YY1AP1: variants seen among roughly 807,000 people sequenced by gnomAD.
YY1AP1 encodes the protein YY1 associated protein 1, also known as YY1-associated protein 1.
In YY1AP1, 43 loss-of-function variants were observed where a neutral mutation model predicts 39.9. The ratio of observed to expected loss-of-function variants is 1.08; its 90% confidence interval spans 0.84 to 1.39. The LOEUF is 1.39. YY1AP1 is among the 40% of genes most tolerant of loss of function. The probability of loss-of-function intolerance (pLI) is 0.00; values close to 1 mark genes in which losing one functional copy is unlikely to be tolerated. For synonymous variants in YY1AP1, 292 were observed against 331.3 expected (o/e 0.88, Z 1.29); for missense variants, 813 against 900.7 (o/e 0.90, Z 1.25).
chr1:155,660,398 A>C lies in YY1AP1; in HGVS notation c.1512T>G (p.Ser504=), dbSNP rs1460899077. Residue 504 remains serine, a synonymous_variant, in exon 11 of 11, where the codon TCT becomes TCG. Transcript: ENST00000355499. Reference sequence around the variant, plus strand: ...TCATTACCTTGGGCACAGGGGCAGAAGAGAGCAAAGTCTGGGACTCAGACA... The same window carrying C: ...TCATTACCTTGGGCACAGGGGCAGACGAGAGCAAAGTCTGGGACTCAGACA... ...FPLSESQTLL[S]SAPVPKVMMP... is the part of the protein sequence containing the mutation. The C allele has an allele frequency of 2.5e-6, 4 of 1,614,074 alleles. No individual in the cohort carries two copies. The African/African-American group carries it at 5.3e-5, about 22-fold the overall frequency.
chr1:155,670,605 A>G (rs1649706936), intron 7 of YY1AP1, 141 bp from the exon 8 acceptor site: 1 of 786,378 alleles, frequency 1.3e-6, no homozygotes, highest in Non-Finnish European at 2.0e-6. Flanking sequence ...CTCCCCAAAG[A>G]GTTTCCACAG....
At chr1:155,661,549 AC>A (rs1648144927) in intron 9 of YY1AP1, 126 bp from the exon 10 acceptor site, 12 of 1,516,286 alleles carry the variant, frequency 7.9e-6, no homozygotes, top group South Asian at 5.7e-5. Context: ...ACACACACAC[AC>A]AAGACCACAT....
chr1:155,661,701 G>T (rs762061031), intron 9 of YY1AP1, among the ~76,000 whole-genome samples: 7 of 152,188 alleles, frequency 4.6e-5, no homozygotes, highest in Non-Finnish European at 1.0e-4. Flanking sequence ...TGTCGCCCAG[G>T]ATGGAGTGCA....
intron 6 of YY1AP1, 33 bp from the exon 7 acceptor site, chr1:155,672,764 C>T: frequency 6.2e-7 from 1 of 1,614,160 alleles, no homozygotes; most frequent in East Asian, 2.2e-5. Flanking sequence ...AGATCTAAGA[C>T]AATTCCAGAC....
In YY1AP1 at chr1:155,671,234, C is replaced by G. The variant is rs113948543; in HGVS notation, c.584-770G>C. 10 of 152,044 alleles carry G rather than the reference C, an allele frequency of 6.6e-5. 1 individual carries two copies. The highest frequency in any genetic ancestry group is 2.4e-4 in the African/African-American group (10 of 41,490). 9.4% of individuals were successfully genotyped at this position (152,044 alleles called of 1,614,324 possible). A position where few individuals can be genotyped will look rare whatever the true frequency, so the allele number is the denominator to read the frequency against. On this transcript the variant is annotated intron_variant, in intron 7 of 10. Transcript: ENST00000355499. ...TCACCTGAGGTCAGGAGTTCAAGAC[C>G]AGCCTGGCCAACATAGTGAAACCCC...
Position 155,676,553 on chromosome 1 carries a change from G to C in YY1AP1, c.319C>G (p.Gln107Glu), listed in dbSNP as rs756015663. 4 of 1,614,016 alleles carry C rather than the reference G, an allele frequency of 2.5e-6. No homozygotes were observed. The African/African-American group carries it at 5.3e-5, about 22-fold the overall frequency. Reference sequence around the variant, plus strand: ...ATGACCAAGGAAAGTGTTACCTGCTGCATCTGCTGCTGGAGTCTCTTCCTT... The same window carrying C: ...ATGACCAAGGAAAGTGTTACCTGCTCCATCTGCTGCTGGAGTCTCTTCCTT... ...AQRKRLQQQM[Q>E]QHVQLLTQIH... The change falls in exon 5 of 11, where the codon CAG becomes GAG. Residue 107 changes from glutamine (Q) to glutamate (E), a missense_variant. Transcript: ENST00000355499.
At chr1:155,661,672 T>C (rs1018973075) in intron 9 of YY1AP1, among the ~76,000 whole-genome samples, 1 of 152,250 alleles carries the variant, frequency 6.6e-6, no homozygotes, top group African/African-American at 2.4e-5. Flanking sequence ...TATTTTCTTT[T>C]TGAGACGGAG....
At chr1:155,667,798 G>A (rs1281503158) in intron 9 of YY1AP1, among the ~76,000 whole-genome samples, 1 of 151,936 alleles carries the variant, frequency 6.6e-6, no homozygotes. Context: ...CTCCAGCCTG[G>A]GGGTCAAGAG....
chr1:155,673,725 A>T (rs1169862644), intron 6 of YY1AP1, among the ~76,000 whole-genome samples: 1 of 151,162 alleles, frequency 6.6e-6, no homozygotes, highest in African/African-American at 2.4e-5. Flanking sequence ...TTTATTTTTT[A>T]TTTTTTTGGT....
chr1:155,672,243 T>C (rs755485192), intron 7 of YY1AP1: 5 of 397,818 alleles, frequency 1.3e-5, no homozygotes, highest in Non-Finnish European at 2.4e-5. Context: ...CAGGCCCCAG[T>C]TTATCTTGAT....
In YY1AP1 at chr1:155,659,772, T is replaced by G. The variant is rs1647736704; in HGVS notation, c.2138A>C (p.Glu713Ala). The change falls in exon 11 of 11, where the codon GAG (glutamate) becomes GCG (alanine). Residue 713 changes from glutamate to alanine, a missense_variant. Physicochemically the swap from Glu to Ala is moderately radical, Grantham distance 107. This residue lies in a region of YY1AP1 where 586 missense variants were observed against 647.4 expected (regional missense o/e 0.91). Transcript: ENST00000355499. ...CTCCTGGATGCCCTGAGGGAGCGGC[T>G]CCAGAGCTTGCCTTCCCTCCTCTGT... ...VKTEEGRQAL[E>A]PLPQGIQESL... 6.2e-7 allele frequency: 1 copy of G among 1,614,092 alleles called. No homozygotes were observed. Among genetic ancestry groups the G allele is most frequent in the Non-Finnish European group, 8.5e-7 (1 of 1,180,040 alleles).
Position 155,660,770 on chromosome 1 carries a change from G to A in YY1AP1, c.1140C>T (p.Tyr380=). 6.2e-7 allele frequency: 1 copy of A among 1,614,192 alleles called. No homozygotes were observed. Among genetic ancestry groups the A allele is most frequent in the Non-Finnish European group, 8.5e-7 (1 of 1,180,032 alleles). ...CTACACCCTTAGGCAATAGCAGTGG[G>A]TACCGAGTTTCACTCCCCAACTCTG... is the stretch of plus-strand genomic sequence containing the variant. ...DNSELGSETR[Y]PLLLPKGVVL... The change falls in exon 11 of 11, where the codon TAC becomes TAT. Residue 380 remains tyrosine (Y), a synonymous_variant. Coordinates refer to ENST00000355499, the MANE Select transcript of YY1AP1 (RefSeq NM_139119.3).
At chr1:155,676,826 G>A (rs1650767405) in intron 4 of YY1AP1, 80 bp from the exon 5 acceptor site, 3 of 1,417,354 alleles carry the variant, frequency 2.1e-6, no homozygotes, top group Non-Finnish European at 3.0e-6. Context: ...GATGAGCAAA[G>A]AGCCTGAACA....
Position 155,661,245 on chromosome 1 carries a change from T to C in YY1AP1, c.996+62A>G, listed in dbSNP as rs765608503. 3.1e-6 allele frequency: 5 copies of C among 1,613,850 alleles called. No homozygotes were observed. The African/African-American group carries it at 5.3e-5, about 17-fold the overall frequency. ...ATTAGACGATTAAGGAAGTCCTTGA[T>C]ATTCTCTCAGAACTTTCAGTGACCT... On this transcript the variant is annotated intron_variant, in intron 10 of 10. Transcript: ENST00000355499.
At position 155,659,552 on chromosome 1, in the gene YY1AP1, G is replaced by A; in HGVS notation, c.*105C>T. The A allele has an allele frequency of 1.6e-6, 2 of 1,270,126 alleles. No individual in the cohort carries two copies. The highest frequency in any genetic ancestry group is 2.2e-6 in the Non-Finnish European group (2 of 912,422). The allele number at this position is 1,270,126 out of a possible 1,614,324, so 78.7% of individuals were successfully genotyped here. ...CTCAAGAGCCCCAGTTGCAAAATCT[G>A]GGGTTTAAGTACCCTTTAGGGGTTT... On this transcript the variant is annotated 3_prime_UTR_variant, in exon 11 of 11. Transcript: ENST00000355499.
chr1:155,685,094 C>A (rs551055003), intron 2 of YY1AP1, among the ~76,000 whole-genome samples: 1 of 152,330 alleles, frequency 6.6e-6, no homozygotes, highest in Admixed American at 6.5e-5. Flanking sequence ...TGTTTACCTT[C>A]TTTTCAAACC....
intron 9 of YY1AP1, among the ~76,000 whole-genome samples, chr1:155,662,798 C>T (rs1648363548): frequency 1.3e-5 from 2 of 151,434 alleles, no homozygotes; most frequent in African/African-American, 2.4e-5. Context: ...GTCAGGAGTT[C>T]ATGACCAGCC....
intron 9 of YY1AP1, 127 bp from the exon 10 acceptor site, chr1:155,661,550 C>CACAA: frequency 1.4e-6 from 2 of 1,448,866 alleles, no homozygotes; most frequent in East Asian, 2.3e-5. Flanking sequence ...CACACACACA[C>CACAA]AAGACCACAT....
At chr1:155,681,458 C>T (rs1651501835) in intron 2 of YY1AP1, among the ~76,000 whole-genome samples, 1 of 152,140 alleles carries the variant, frequency 6.6e-6, no homozygotes, top group African/African-American at 2.4e-5. Context: ...CTTGGTCGCA[C>T]ATGCATATAG....
Sources: allele counts gnomAD v4.1 joint callset (sites outside exome capture counted in the v4.1 genomes callset), GRCh38; gene constraint gnomAD v4.1.1; regional missense constraint gnomAD v4.1.1; transcripts MANE v1.5; gene names NCBI Gene and HGNC (gene_info 2026-07-23, HGNC 2026-07-21).